The following CHRM3 variants were observed in gnomAD, a reference collection of about 807,000 sequenced individuals.
The protein encoded by CHRM3 is muscarinic acetylcholine receptor M3.
CHRM3 carries 11 observed loss-of-function variants against 41.8 expected under a neutral mutation model. That is an observed-to-expected ratio of 0.26 (90% CI 0.17 to 0.44). The LOEUF is 0.44. Among genes scored for constraint, CHRM3 ranks in the 20% least tolerant of loss-of-function variants. CHRM3 has a pLI of 1.00. For missense variants in CHRM3, 571 were observed against 745.4 expected, an observed-to-expected ratio of 0.77 and a Z score of 2.72; for synonymous variants, 297 against 301.4, an observed-to-expected ratio of 0.99 and a Z score of 0.15.
Position 239,387,880 on chromosome 1 carries a change from G to T in CHRM3, c.-521+653G>T, listed in dbSNP as rs1289392334. 6.6e-6 allele frequency among the ~76,000 whole-genome samples: 1 copy of T among 152,162 alleles called. No individual in the cohort carries two copies. Among genetic ancestry groups the T allele is most frequent in the Non-Finnish European group, 1.5e-5 (1 of 68,024 alleles). On this transcript the variant is annotated intron_variant, in intron 1 of 6. Coordinates refer to ENST00000676153, the MANE Select transcript of CHRM3 (RefSeq NM_001375978.1). This position sits in a 1 kb window ranked among gnomAD's most constrained non-coding sequence, Gnocchi z 5.1. Reference sequence around the variant, plus strand: ...TGACCCGGGGAGAGTCTGCACTCGCGAGGCAGCGGCCGCTGGACTGCACCG... The same window carrying T: ...TGACCCGGGGAGAGTCTGCACTCGCTAGGCAGCGGCCGCTGGACTGCACCG...
intron 5 of CHRM3, among the ~76,000 whole-genome samples, chr1:239,721,714 T>C (rs1409983891): frequency 6.6e-6 from 1 of 151,910 alleles, no homozygotes; most frequent in East Asian, 1.9e-4. Context: ...AGCCAATAGG[T>C]ATTATCTTTC....
intron 4 of CHRM3, among the ~76,000 whole-genome samples, chr1:239,665,759 G>C (rs1216355904): frequency 6.6e-6 from 1 of 152,084 alleles, no homozygotes; most frequent in Admixed American, 6.5e-5. Context: ...TTATGAGTGG[G>C]AACTTGCGGT....
At chr1:239,445,232 G>T (rs1264462725) in intron 1 of CHRM3, among the ~76,000 whole-genome samples, 1 of 152,212 alleles carries the variant, frequency 6.6e-6, no homozygotes, top group Admixed American at 6.5e-5. Flanking sequence ...ATGTTGATGA[G>T]AATGGCTAGG....
intron 3 of CHRM3, among the ~76,000 whole-genome samples, chr1:239,585,557 A>G (rs570348426): frequency 2.6e-5 from 4 of 152,292 alleles, no homozygotes; most frequent in Admixed American, 2.6e-4. Context: ...CTTTCTCTCC[A>G]TAGCAGTACC....
chr1:239,618,566 CG>C (rs1667920488), intron 3 of CHRM3, among the ~76,000 whole-genome samples: 1 of 151,678 alleles, frequency 6.6e-6, no homozygotes, highest in Non-Finnish European at 1.5e-5. Context: ...TCAAGATGGC[CG>C]GGCGCGGTGG....
chr1:239,638,235 G>A (rs1455464944), intron 4 of CHRM3, among the ~76,000 whole-genome samples: 1 of 150,998 alleles, frequency 6.6e-6, no homozygotes. Flanking sequence ...GTGTGCATGT[G>A]TCTTTATAGC....
chr1:239,526,825 T>C lies in CHRM3; in HGVS notation c.-421-18816T>C, dbSNP rs745734505. Among the ~76,000 whole-genome samples, 13 of 152,314 alleles carry C rather than the reference T, an allele frequency of 8.5e-5. 1 individual carries two copies. Among genetic ancestry groups the C allele is most frequent in the Non-Finnish European group, 1.6e-4 (11 of 68,032 alleles). On this transcript the variant is annotated intron_variant, in intron 2 of 6. Transcript: ENST00000676153. ...TTTCATTGCAACCTTTTTCCATCCT[T>C]ATAACATAAGTCATGGCTGGGTGCA...
At position 239,637,185 on chromosome 1, in the gene CHRM3, G is replaced by A. The variant is rs182569613; in HGVS notation, c.-250+4899G>A. Among the ~76,000 whole-genome samples the A allele has an allele frequency of 4.1e-3, 630 of 151,982 alleles. 6 individuals carry two copies. Among genetic ancestry groups the A allele is most frequent in the African/African-American group, 0.015 (604 of 41,480 alleles). On this transcript the variant is annotated intron_variant, in intron 4 of 6. Coordinates refer to ENST00000676153, the MANE Select transcript of CHRM3 (RefSeq NM_001375978.1). ...TGATGACCTGTAATTCTTGATCAAT[G>A]GTCTTATCAAAGTCTTTTGTTTGGT...
At chr1:239,599,248 C>T (rs1381035801) in intron 3 of CHRM3, among the ~76,000 whole-genome samples, 2 of 152,126 alleles carry the variant, frequency 1.3e-5, no homozygotes, top group Non-Finnish European at 2.9e-5. Context: ...CTTCTCCATC[C>T]TCTTGTTGAA....
intron 6 of CHRM3, among the ~76,000 whole-genome samples, chr1:239,834,038 C>T (rs994817441): frequency 7.2e-5 from 11 of 152,118 alleles, no homozygotes; most frequent in African/African-American, 1.7e-4. Flanking sequence ...CTCCAATCCC[C>T]GGGAAAAGAC....
chr1:239,414,313 G>A (rs1158683836), intron 1 of CHRM3, among the ~76,000 whole-genome samples: 1 of 150,646 alleles, frequency 6.6e-6, no homozygotes, highest in Non-Finnish European at 1.5e-5. Context: ...TCTACACTGA[G>A]TGACACAAAT....
intron 1 of CHRM3, among the ~76,000 whole-genome samples, chr1:239,419,112 A>T (rs982241924): frequency 1.3e-5 from 2 of 152,200 alleles, no homozygotes; most frequent in African/African-American, 2.4e-5. Context: ...TTAAAGTAGG[A>T]GGGAAGGAAG....
intron 1 of CHRM3, among the ~76,000 whole-genome samples, chr1:239,440,060 T>C (rs770421442): frequency 2.6e-5 from 4 of 151,904 alleles, no homozygotes; most frequent in African/African-American, 4.8e-5. Context: ...TAGCCAGCCA[T>C]GGTGGTGTGC....
At chr1:239,616,400 A>G (rs1466438980) in intron 3 of CHRM3, among the ~76,000 whole-genome samples, 1 of 152,138 alleles carries the variant, frequency 6.6e-6, no homozygotes, top group Admixed American at 6.5e-5. Context: ...GTTTCTTTTC[A>G]GGCACCCCTT....
chr1:239,566,798 A>G (rs969932637), intron 3 of CHRM3, among the ~76,000 whole-genome samples: 3 of 152,226 alleles, frequency 2.0e-5, no homozygotes, highest in Admixed American at 2.0e-4. Context: ...GCTGATGCAG[A>G]CAAAGTTGGC....
At chr1:239,564,574 C>T (rs1661175085) in intron 3 of CHRM3, among the ~76,000 whole-genome samples, 1 of 151,966 alleles carries the variant, frequency 6.6e-6, no homozygotes, top group Non-Finnish European at 1.5e-5. Flanking sequence ...AAAATACTAC[C>T]TAAGGGTTTA....
intron 5 of CHRM3, among the ~76,000 whole-genome samples, chr1:239,723,358 T>A (rs1663152628): frequency 6.6e-6 from 1 of 151,958 alleles, no homozygotes; most frequent in African/African-American, 2.4e-5. Flanking sequence ...AATGTCAATG[T>A]TTTGTCAATA....
At chr1:239,655,179 G>T (rs1672604597) in intron 4 of CHRM3, among the ~76,000 whole-genome samples, 1 of 152,142 alleles carries the variant, frequency 6.6e-6, no homozygotes, top group African/African-American at 2.4e-5. Flanking sequence ...AAGTTCTATT[G>T]TCTTGGTCTT....
At chr1:239,677,142 C>T (rs1658091037) in intron 4 of CHRM3, among the ~76,000 whole-genome samples, 1 of 152,206 alleles carries the variant, frequency 6.6e-6, no homozygotes, top group Admixed American at 6.5e-5. Flanking sequence ...CTCTCTGCTC[C>T]TTGAACTGGC....
Sources: allele counts gnomAD v4.1 joint callset (sites outside exome capture counted in the v4.1 genomes callset), GRCh38; gene constraint gnomAD v4.1.1; non-coding constraint Gnocchi (gnomAD v3.1); transcripts MANE v1.5; gene names NCBI Gene and HGNC (gene_info 2026-07-23, HGNC 2026-07-21).